C1orf21: variants seen among roughly 807,000 people sequenced by gnomAD.
The protein encoded by C1orf21 is chromosome 1 open reading frame 21.
In C1orf21, 3 loss-of-function variants were observed where a neutral mutation model predicts 18.7. The observed-to-expected ratio is 0.16, with a 90% confidence interval of 0.07 to 0.42. The LOEUF (loss-of-function observed/expected upper bound fraction) is 0.42. Ranked by LOEUF, C1orf21 falls within the 10% of genes least tolerant of loss-of-function variation. The pLI, the probability that C1orf21 is intolerant of heterozygous loss-of-function variation, is 0.99. For missense variants in C1orf21, 104 were observed against 143.6 expected (o/e 0.72, Z 1.41); for synonymous variants, 41 against 46.4 (o/e 0.88, Z 0.47).
At position 184,607,680 on chromosome 1, in the gene C1orf21, TACATATATGTGTGTGTATATATATAC is replaced by T. The variant is rs1334669735; in HGVS notation, c.327+9247_327+9272del. Among the ~76,000 whole-genome samples, 1,138 of 151,000 alleles carry T rather than the reference TACATATATGTGTGTGTATATATATAC, an allele frequency of 7.5e-3. 6 individuals are homozygous for T. The highest frequency in any genetic ancestry group is 0.021 in the Middle Eastern group (6 of 284). ...ATACATATATATGTGTGTATATATATACATATATGTGTGTGTATATATATACACATATATGTGTGTGTATATATATA... is the reference window on the plus strand; with the variant it reads ...ATACATATATATGTGTGTATATATATACATATATGTGTGTGTATATATATA... On this transcript the variant is annotated intron_variant, in intron 5 of 5. Transcript: ENST00000235307.
At chr1:184,558,216 C>T (rs1658906759) in intron 3 of C1orf21, among the ~76,000 whole-genome samples, 1 of 152,124 alleles carries the variant, frequency 6.6e-6, no homozygotes, top group Admixed American at 6.6e-5. Context: ...CCTTTCCTAC[C>T]AGCAGCCTCT....
intron 3 of C1orf21, among the ~76,000 whole-genome samples, chr1:184,575,919 G>A (rs1271195118): frequency 8.6e-5 from 13 of 152,020 alleles, no homozygotes; most frequent in Non-Finnish European, 1.9e-4. Flanking sequence ...GGCCACAGAG[G>A]TGGAAGGATT....
At chr1:184,451,648 G>C (rs531618400) in intron 1 of C1orf21, among the ~76,000 whole-genome samples, 22 of 151,930 alleles carry the variant, frequency 1.4e-4, no homozygotes, top group Non-Finnish European at 3.1e-4. Flanking sequence ...AGTTGTAATA[G>C]TGTGTTTTGT....
At position 184,518,824 on chromosome 1, in the gene C1orf21, A is replaced by G. The variant is rs1658265924; in HGVS notation, c.189+11142A>G. On this transcript the variant is annotated intron_variant, in intron 3 of 5. Transcript: ENST00000235307. The stretch of plus-strand genomic sequence containing the variant: ...AGGAAACTCAGGAGGAGATAGATAA[A>G]CATACTGTGAGTCTCTGATGGAGGT... 3.9e-5 allele frequency among the ~76,000 whole-genome samples: 6 copies of G among 152,086 alleles called. 1 individual carries two copies. The South Asian group carries it at 1.2e-3, about 32-fold the overall frequency.
chr1:184,439,987 A>T (rs1656919945), intron 1 of C1orf21, among the ~76,000 whole-genome samples: 1 of 152,222 alleles, frequency 6.6e-6, no homozygotes, highest in Admixed American at 6.5e-5. Context: ...TTCCAAAGAC[A>T]CTGAACCCTG....
At chr1:184,505,908 T>TG in intron 2 of C1orf21, among the ~76,000 whole-genome samples, 1 of 152,214 alleles carries the variant, frequency 6.6e-6, no homozygotes, top group East Asian at 1.9e-4. Context: ...GTAATTGTGT[T>TG]GGGGGCAAAT....
intron 3 of C1orf21, among the ~76,000 whole-genome samples, chr1:184,555,003 G>A (rs931455269): frequency 2.0e-5 from 3 of 152,096 alleles, no homozygotes; most frequent in Non-Finnish European, 2.9e-5. Context: ...CTATTATTCT[G>A]TTGTAATTTC....
chr1:184,458,995 A>G (rs1169099260), intron 1 of C1orf21, among the ~76,000 whole-genome samples: 3 of 152,242 alleles, frequency 2.0e-5, no homozygotes, highest in Non-Finnish European at 4.4e-5. Context: ...ATAAAGCAGT[A>G]TATCAATAGT....
chr1:184,483,585 C>T (rs554275230), intron 2 of C1orf21, among the ~76,000 whole-genome samples: 94 of 152,284 alleles, frequency 6.2e-4, no homozygotes, highest in African/African-American at 2.2e-3. Flanking sequence ...TCCTATAAAT[C>T]TCACTCTCTC....
At chr1:184,524,876 G>T (rs1196085957) in intron 3 of C1orf21, among the ~76,000 whole-genome samples, 3 of 151,786 alleles carry the variant, frequency 2.0e-5, no homozygotes, top group African/African-American at 7.3e-5. Context: ...AATTGAGCAG[G>T]GACTAAAATC....
rs1657399877 is a variant in C1orf21 at position 184,466,431 on chromosome 1, G to A, written c.-124-10955G>A. On this transcript the variant is annotated intron_variant, in intron 1 of 5. Transcript: ENST00000235307. ...TTGCCCTCCTGGGTCTCTTCTCTCAGTTGCCTGCTTTTTGTTTTCCTTTAG... is the reference window on the plus strand; with the variant it reads ...TTGCCCTCCTGGGTCTCTTCTCTCAATTGCCTGCTTTTTGTTTTCCTTTAG... Among the ~76,000 whole-genome samples the A allele has an allele frequency of 2.6e-5, 4 of 152,186 alleles. 1 individual carries two copies. Among genetic ancestry groups the A allele is most frequent in the Admixed American group, 1.3e-4 (2 of 15,284 alleles).
At chr1:184,597,247 A>G (rs377247091) in intron 4 of C1orf21, among the ~76,000 whole-genome samples, 5 of 152,362 alleles carry the variant, frequency 3.3e-5, no homozygotes, top group East Asian at 3.9e-4. Flanking sequence ...AACCATGACA[A>G]TTGATTAATG....
chr1:184,554,808 T>C (rs893605643), intron 3 of C1orf21, among the ~76,000 whole-genome samples: 1 of 152,238 alleles, frequency 6.6e-6, no homozygotes, highest in Non-Finnish European at 1.5e-5. Context: ...TATTGGTATA[T>C]GATAGGGTTC....
intron 3 of C1orf21, among the ~76,000 whole-genome samples, chr1:184,516,621 G>A (rs531425770): frequency 2.4e-3 from 371 of 152,290 alleles, no homozygotes; most frequent in Middle Eastern, 0.014. Flanking sequence ...ATGGCAGCCG[G>A]CAAAGAGAGA....
intron 1 of C1orf21, among the ~76,000 whole-genome samples, chr1:184,412,779 G>T (rs1656375726): frequency 6.6e-6 from 1 of 152,186 alleles, no homozygotes; most frequent in Admixed American, 6.5e-5. Flanking sequence ...CCACACTCCA[G>T]CCTGGGCCAC....
At chr1:184,424,576 G>A (rs1410796605) in intron 1 of C1orf21, among the ~76,000 whole-genome samples, 1 of 152,180 alleles carries the variant, frequency 6.6e-6, no homozygotes, top group Non-Finnish European at 1.5e-5. Flanking sequence ...GTAGAGAGCT[G>A]TGATGAGAGT....
At chr1:184,513,607 C>G (rs1658183899) in intron 3 of C1orf21, among the ~76,000 whole-genome samples, 1 of 152,232 alleles carries the variant, frequency 6.6e-6, no homozygotes, top group Non-Finnish European at 1.5e-5. Flanking sequence ...GTAGGCTATT[C>G]ACTAGAACAC....
At chr1:184,418,587 T>C (rs1237664464) in intron 1 of C1orf21, among the ~76,000 whole-genome samples, 1 of 152,218 alleles carries the variant, frequency 6.6e-6, no homozygotes, top group African/African-American at 2.4e-5. Flanking sequence ...TTTTGCTCTG[T>C]TGGGCTTGTG....
intron 3 of C1orf21, among the ~76,000 whole-genome samples, chr1:184,584,360 C>G (rs1387725200): frequency 6.6e-6 from 1 of 151,878 alleles, no homozygotes; most frequent in Non-Finnish European, 1.5e-5. Flanking sequence ...TAAATAAAAC[C>G]CACAGTGAGA....
Sources: allele counts gnomAD v4.1 joint callset (sites outside exome capture counted in the v4.1 genomes callset), GRCh38; gene constraint gnomAD v4.1.1; transcripts MANE v1.5; gene names NCBI Gene and HGNC (gene_info 2026-07-23, HGNC 2026-07-21).